Variants in BLOC1S3 observed in about 807,000 individuals in gnomAD.
BLOC1S3 encodes biogenesis of lysosomal organelles complex 1 subunit 3, also known as biogenesis of lysosome-related organelles complex 1 subunit 3.
A neutral mutation model predicts 9.1 loss-of-function variants in BLOC1S3; 7 were observed. The ratio of observed to expected loss-of-function variants is 0.77; its 90% CI spans 0.44 to 1.45. The LOEUF (loss-of-function observed/expected upper bound fraction) is 1.45, where lower values mean the gene tolerates loss of function less well. Among genes scored for constraint, BLOC1S3 ranks in the 40% most tolerant of loss-of-function variants. BLOC1S3 has a pLI of 0.01. For synonymous variants in BLOC1S3, 145 were observed against 158.4 expected (o/e 0.92, Z 0.64); for missense variants, 307 against 315.2 (o/e 0.97, Z 0.20).
At chr19:45,215,975 C>T in intron 3 of BLOC1S3, 1 of 1,506,436 alleles carries the variant, frequency 6.6e-7, no homozygotes, top group South Asian at 1.2e-5. Context: ...CTCACCGGCT[C>T]CCTCCCTCAG....
At chr19:45,216,532 C>G (rs10415392) in intron 3 of BLOC1S3, 2 of 175,058 alleles carry the variant, frequency 1.1e-5, no homozygotes, top group African/African-American at 4.8e-5. Context: ...TGAGCGGAGA[C>G]TGCACCACTG....
Position 45,179,475 on chromosome 19 carries a change from C to T in BLOC1S3, c.179C>T (p.Ala60Val). The T allele has an allele frequency of 2.0e-6, 3 of 1,522,772 alleles. No individual in the cohort carries two copies. The highest frequency in any genetic ancestry group is 2.6e-6 in the Non-Finnish European group (3 of 1,141,442). 94.3% of individuals were successfully genotyped at this position (1,522,772 alleles called of 1,614,324 possible). Reference protein sequence around the residue: ...RPTGLRVAGEAAETDSEPEPE... With the variant: ...RPTGLRVAGEVAETDSEPEPE... ...ACGGGGCTGCGGGTGGCTGGGGAAG[C>T]CGCGGAGACCGACTCGGAGCCGGAG... The change falls in exon 2 of 2, where the codon GCC becomes GTC. Residue 60 changes from alanine (A) to valine (V), a missense_variant. By Grantham distance (64) the Ala-to-Val change is moderately conservative. Coordinates refer to ENST00000433642, the MANE Select transcript of BLOC1S3 (RefSeq NM_212550.5). This position sits in a 1 kb window ranked among gnomAD's most constrained non-coding sequence, Gnocchi z 4.6.
At chr19:45,204,603 C>A (rs1183761970) in intron 3 of BLOC1S3, among the ~76,000 whole-genome samples, 1 of 152,214 alleles carries the variant, frequency 6.6e-6, no homozygotes, top group Non-Finnish European at 1.5e-5. Context: ...TGGCGTCTTA[C>A]ATGTCTGACA....
At chr19:45,184,611 A>T (rs1409760958), downstream of BLOC1S3, among the ~76,000 whole-genome samples, 1 of 152,118 alleles carries the variant, frequency 6.6e-6, no homozygotes, top group East Asian at 1.9e-4. Context: ...GTCTCAAAAT[A>T]AAAAAGGGGC....
At chr19:45,213,108 G>A (rs1288593330) in intron 3 of BLOC1S3, 1 of 1,541,480 alleles carries the variant, frequency 6.5e-7, no homozygotes, top group Non-Finnish European at 8.7e-7. Context: ...ACGGAGGCCG[G>A]GGCCGAGGCA....
intron 2 of BLOC1S3, among the ~76,000 whole-genome samples, chr19:45,196,905 A>AT (rs1186469582): frequency 6.6e-6 from 1 of 151,448 alleles, no homozygotes; most frequent in Non-Finnish European, 1.5e-5. Context: ...TCTCAAAAAA[A>AT]AAAAAAATCA....
At chr19:45,198,956 C>T (rs1386328533) in intron 2 of BLOC1S3, 2 of 152,176 alleles carry the variant, frequency 1.3e-5, no homozygotes. Flanking sequence ...ATTCACCCGC[C>T]TCAGCCTCCC....
intron 2 of BLOC1S3, among the ~76,000 whole-genome samples, chr19:45,201,856 A>G (rs1402093732): frequency 6.6e-6 from 1 of 152,064 alleles, no homozygotes; most frequent in African/African-American, 2.4e-5. Flanking sequence ...AATAAGTCTC[A>G]TGAGATCTGA....
chr19:45,179,596 G>GGCGCCCGCCCCC lies in BLOC1S3; in HGVS notation c.305_316dup (p.Pro102_Ala105dup). On this transcript the variant is annotated inframe_insertion, in exon 2 of 2. Coordinates refer to ENST00000433642, the MANE Select transcript of BLOC1S3 (RefSeq NM_212550.5). This position sits in a 1 kb window ranked among gnomAD's most constrained non-coding sequence, Gnocchi z 4.6. ...AGGCCTGGGGCACGGAGGAGGCCCC[G>GGCGCCCGCCCCC]GCGCCCGCCCCCGCGCGCTCGCTCC... is the stretch of plus-strand genomic sequence containing the variant. The GGCGCCCGCCCCC allele has an allele frequency of 6.8e-7, 1 of 1,477,298 alleles. No homozygotes were observed. Among genetic ancestry groups the GGCGCCCGCCCCC allele is most frequent in the South Asian group, 1.3e-5 (1 of 77,896 alleles). 91.5% of individuals were successfully genotyped at this position (1,477,298 alleles called of 1,614,324 possible).
At position 45,179,948 on chromosome 19, in the gene BLOC1S3, C is replaced by T; in HGVS notation, c.*43C>T. On this transcript the variant is annotated 3_prime_UTR_variant, in exon 2 of 2. Coordinates refer to ENST00000433642, the MANE Select transcript of BLOC1S3 (RefSeq NM_212550.5). This position sits in a 1 kb window ranked among gnomAD's most constrained non-coding sequence, Gnocchi z 4.6. ...AACCTGACTGCAATTTGGGGGTAGGCCTTGCTGCCTCTGGGACCTGACTCT... is the reference window on the plus strand; with the variant it reads ...AACCTGACTGCAATTTGGGGGTAGGTCTTGCTGCCTCTGGGACCTGACTCT... The T allele has an allele frequency of 1.9e-6, 3 of 1,588,090 alleles. No individual in the cohort carries two copies. The highest frequency in any genetic ancestry group is 2.4e-5 in the East Asian group (1 of 42,040).
At chr19:45,184,849 A>G (rs1969554000), downstream of BLOC1S3, among the ~76,000 whole-genome samples, 1 of 146,554 alleles carries the variant, frequency 6.8e-6, no homozygotes, top group Non-Finnish European at 1.5e-5. Context: ...GCGGTGAGCC[A>G]AGATAGCGCC....
In BLOC1S3 at chr19:45,181,778, T is replaced by A. The variant is rs188059080; in HGVS notation, c.*1873T>A. On this transcript the variant is annotated 3_prime_UTR_variant, in exon 2 of 2. Coordinates refer to ENST00000433642, the MANE Select transcript of BLOC1S3 (RefSeq NM_212550.5). ...TGGGGAGGAGCTTTTTATGGCGGAC[T>A]GATTAAAACTCTTAAGCATTTACCC... is the stretch of plus-strand genomic sequence containing the variant. The A allele has an allele frequency of 5.4e-5, 9 of 167,192 alleles. No homozygotes were observed. The Admixed American group carries it at 5.9e-4, about 11-fold the overall frequency. 10.4% of individuals were successfully genotyped at this position (167,192 alleles called of 1,614,324 possible).
At chr19:45,199,705 C>G (rs535738047) in intron 2 of BLOC1S3, among the ~76,000 whole-genome samples, 6 of 149,008 alleles carry the variant, frequency 4.0e-5, no homozygotes, top group East Asian at 3.9e-4. Flanking sequence ...CTTCTGTTCT[C>G]TTCTCTTCTG....
rs1424762840 is a variant in BLOC1S3 at position 45,188,242 on chromosome 19, C to T, written n.180+502C>T. On this transcript the variant is annotated intron_variant and non_coding_transcript_variant, in intron 2 of 3. Transcript: ENST00000591569. ...TTCACCATGTTGGCCAGGCTGGTCTCGAACTCCCAACCTCAGGTGATCTGC... is the reference window on the plus strand; with the variant it reads ...TTCACCATGTTGGCCAGGCTGGTCTTGAACTCCCAACCTCAGGTGATCTGC... Among the ~76,000 whole-genome samples, 3 of 152,120 alleles carry T rather than the reference C, an allele frequency of 2.0e-5. No individual in the cohort carries two copies. In the East Asian group the frequency reaches 5.8e-4, roughly 29 times the overall value.
intron 2 of BLOC1S3, among the ~76,000 whole-genome samples, chr19:45,194,423 G>A (rs1336794392): frequency 1.3e-5 from 2 of 151,918 alleles, no homozygotes; most frequent in Non-Finnish European, 2.9e-5. Flanking sequence ...AATTTCTCAG[G>A]TATTTATTTA....
At chr19:45,216,787 C>A (rs1969839917) in exon 4 of BLOC1S3, 1 of 152,108 alleles carries the variant, frequency 6.6e-6, no homozygotes, top group African/African-American at 2.4e-5. Flanking sequence ...AAGCTCCCTG[C>A]ATTCTTTCTT....
At chr19:45,192,315 C>A (rs1006452940) in intron 2 of BLOC1S3, among the ~76,000 whole-genome samples, 1 of 152,180 alleles carries the variant, frequency 6.6e-6, no homozygotes, top group Non-Finnish European at 1.5e-5. Flanking sequence ...CCCTTCAGGG[C>A]AGTGGGCTCC....
downstream of BLOC1S3, among the ~76,000 whole-genome samples, chr19:45,186,489 G>A (rs1409679467): frequency 6.6e-6 from 1 of 152,106 alleles, no homozygotes; most frequent in South Asian, 2.1e-4. Context: ...CAGATCACCT[G>A]AGGTCAGTAG....
At chr19:45,202,669 A>T (rs1244723052) in intron 3 of BLOC1S3, among the ~76,000 whole-genome samples, 2 of 152,074 alleles carry the variant, frequency 1.3e-5, no homozygotes, top group African/African-American at 4.8e-5. Flanking sequence ...TCCAAGATGC[A>T]AGACAAAGTC....
Sources: gnomAD v4.1 joint callset for allele counts (sites outside exome capture counted in the v4.1 genomes callset) on GRCh38, gnomAD v4.1.1 for gene constraint, Gnocchi (gnomAD v3.1) non-coding constraint, MANE v1.5 for transcripts, NCBI Gene and HGNC (gene_info 2026-07-23, HGNC 2026-07-21) for gene names.